SGCZ: variants seen among roughly 807,000 people sequenced by gnomAD.
SGCZ encodes the protein zeta-sarcoglycan.
A neutral mutation model predicts 41.3 loss-of-function variants in SGCZ; 40 were observed. The ratio of observed to expected loss-of-function variants is 0.97; its 90% CI spans 0.75 to 1.26. The LOEUF (loss-of-function observed/expected upper bound fraction) is 1.26, where lower values mean the gene tolerates loss of function less well. Ranked by LOEUF, SGCZ falls within the 50% of genes most tolerant of loss-of-function variation. SGCZ has a pLI of 0.00. For synonymous variants in SGCZ, 206 were observed against 137.5 expected (o/e 1.50, Z -3.49); for missense variants, 552 against 369.8 (o/e 1.49, Z -4.04).
At chr8:14,806,938 A>G in intron 1 of SGCZ, among the ~76,000 whole-genome samples, 1 of 151,672 alleles carries the variant, frequency 6.6e-6, no homozygotes, top group African/African-American at 2.4e-5. Flanking sequence ...TATGCAAATC[A>G]ATAAATGTAA....
intron 1 of SGCZ, among the ~76,000 whole-genome samples, chr8:14,823,627 G>C (rs1460712259): frequency 6.6e-6 from 1 of 152,144 alleles, no homozygotes; most frequent in African/African-American, 2.4e-5. Flanking sequence ...CACTGTTCTT[G>C]GGACTGTAAA....
At chr8:14,261,799 G>C (rs542979993) in intron 3 of SGCZ, among the ~76,000 whole-genome samples, 61 of 152,222 alleles carry the variant, frequency 4.0e-4, no homozygotes, top group African/African-American at 1.4e-3. Context: ...TTAGGGTATG[G>C]ACTAACTCTT....
chr8:14,792,351 T>A (rs1800984715), intron 1 of SGCZ, among the ~76,000 whole-genome samples: 1 of 152,164 alleles, frequency 6.6e-6, no homozygotes. Context: ...TCGCTCAGGC[T>A]GTTAACTCTT....
intron 1 of SGCZ, among the ~76,000 whole-genome samples, chr8:15,010,396 G>A (rs1404493544): frequency 1.3e-5 from 2 of 152,118 alleles, no homozygotes; most frequent in Non-Finnish European, 2.9e-5. Context: ...GACTTTCAGA[G>A]TACATTATGT....
At chr8:15,111,996 C>G (rs1807084049) in intron 1 of SGCZ, among the ~76,000 whole-genome samples, 2 of 149,272 alleles carry the variant, frequency 1.3e-5, no homozygotes, top group South Asian at 4.2e-4. Flanking sequence ...TAAAACACGC[C>G]AAGAACCTGG....
chr8:14,761,451 T>G (rs1201439866), intron 1 of SGCZ, among the ~76,000 whole-genome samples: 2 of 151,706 alleles, frequency 1.3e-5, no homozygotes, highest in African/African-American at 4.8e-5. Context: ...AAAACTCCTG[T>G]GTCTCATTTT....
intron 7 of SGCZ, among the ~76,000 whole-genome samples, chr8:14,092,108 G>C (rs946917264): frequency 2.0e-5 from 3 of 152,066 alleles, no homozygotes; most frequent in African/African-American, 7.2e-5. Flanking sequence ...TGTCAAGTTT[G>C]TGAAAGTTCA....
At chr8:14,637,897 C>T (rs1326277592) in intron 1 of SGCZ, among the ~76,000 whole-genome samples, 1 of 151,816 alleles carries the variant, frequency 6.6e-6, no homozygotes, top group Admixed American at 6.6e-5. Flanking sequence ...AGTCTGCAAA[C>T]TGCTTTTCAC....
At chr8:14,164,101 G>T (rs373196285) in intron 5 of SGCZ, among the ~76,000 whole-genome samples, 4 of 152,038 alleles carry the variant, frequency 2.6e-5, no homozygotes, top group East Asian at 3.9e-4. Flanking sequence ...AATAATATGT[G>T]TATAGCATTA....
chr8:14,455,971 C>T (rs547370392), intron 2 of SGCZ, among the ~76,000 whole-genome samples: 3 of 152,234 alleles, frequency 2.0e-5, no homozygotes, highest in African/African-American at 7.2e-5. Context: ...TTGTAGTTAC[C>T]TACAGTTGGA....
At chr8:14,668,249 C>T (rs1482790982) in intron 1 of SGCZ, among the ~76,000 whole-genome samples, 5 of 152,138 alleles carry the variant, frequency 3.3e-5, no homozygotes, top group East Asian at 1.9e-4. Context: ...CGTGAGCCAC[C>T]GCCCCCAGCC....
At chr8:14,689,508 T>G (rs1468439572) in intron 1 of SGCZ, among the ~76,000 whole-genome samples, 1 of 152,188 alleles carries the variant, frequency 6.6e-6, no homozygotes, top group East Asian at 1.9e-4. Flanking sequence ...GTTATTTTGA[T>G]AGAAGGGGCC....
intron 1 of SGCZ, among the ~76,000 whole-genome samples, chr8:15,103,469 A>C (rs1208848312): frequency 6.6e-6 from 1 of 152,034 alleles, no homozygotes; most frequent in Non-Finnish European, 1.5e-5. Flanking sequence ...AGTTTTATAG[A>C]AGTAAAATCT....
chr8:14,651,657 A>G (rs914267274), intron 1 of SGCZ, among the ~76,000 whole-genome samples: 1 of 152,076 alleles, frequency 6.6e-6, no homozygotes, highest in Non-Finnish European at 1.5e-5. Context: ...TTTATGCACA[A>G]ATTTTGTATT....
At chr8:14,472,343 A>G (rs1801236110) in intron 2 of SGCZ, among the ~76,000 whole-genome samples, 1 of 152,100 alleles carries the variant, frequency 6.6e-6, no homozygotes, top group South Asian at 2.1e-4. Flanking sequence ...CTAGATTGAA[A>G]GCCAGAGAGG....
At chr8:14,708,961 T>C (rs765129181) in intron 1 of SGCZ, among the ~76,000 whole-genome samples, 12 of 152,070 alleles carry the variant, frequency 7.9e-5, no homozygotes, top group Non-Finnish European at 1.3e-4. Context: ...AGAAATTTGA[T>C]ACCCAGAATT....
chr8:15,232,625 AT>A (rs1053590855), intron 1 of SGCZ, among the ~76,000 whole-genome samples: 45 of 150,260 alleles, frequency 3.0e-4, no homozygotes, highest in African/African-American at 1.1e-3. Flanking sequence ...TCAAGATTAT[AT>A]ATATATGGGT....
intron 1 of SGCZ, among the ~76,000 whole-genome samples, chr8:14,902,280 GTCTTCCGT>G (rs1219804236): frequency 3.9e-5 from 6 of 151,954 alleles, no homozygotes; most frequent in African/African-American, 1.5e-4. Context: ...TGTTTCTCTT[GTCTTCCGT>G]TCTTAATCTT....
At chr8:15,197,231 T>C (rs1186189541) in intron 1 of SGCZ, among the ~76,000 whole-genome samples, 3 of 152,212 alleles carry the variant, frequency 2.0e-5, no homozygotes, top group Non-Finnish European at 4.4e-5. Context: ...ACAATGCTTT[T>C]ACTGTCTGAG....
Sources: gnomAD v4.1 joint callset for allele counts (sites outside exome capture counted in the v4.1 genomes callset) on GRCh38, gnomAD v4.1.1 for gene constraint, MANE v1.5 for transcripts, NCBI Gene and HGNC (gene_info 2026-07-23, HGNC 2026-07-21) for gene names.